Variants in GLIS1 observed in about 807,000 individuals in gnomAD.
The protein encoded by GLIS1 is GLIS family zinc finger 1.
In GLIS1, 24 loss-of-function variants were observed where a neutral mutation model predicts 63.8. That is an observed-to-expected ratio of 0.38 (90% CI 0.27 to 0.53). The LOEUF is 0.53. Among genes scored for constraint, GLIS1 ranks in the 20% least tolerant of loss-of-function variants. The pLI, the probability that GLIS1 is intolerant of heterozygous loss-of-function variation, is 0.85. For missense variants in GLIS1, 1,036 were observed against 1,074.1 expected, an observed-to-expected ratio of 0.96 and a Z score of 0.50; for synonymous variants, 450 against 482.5, an observed-to-expected ratio of 0.93 and a Z score of 0.88.
intron 4 of GLIS1, among the ~76,000 whole-genome samples, chr1:53,554,170 A>C (rs1644793243): frequency 6.6e-6 from 1 of 152,150 alleles, no homozygotes; most frequent in Admixed American, 6.5e-5. Flanking sequence ...CCTGGCCCTC[A>C]AGGGACTTTC....
At chr1:53,658,423 A>G (rs941616551) in intron 2 of GLIS1, among the ~76,000 whole-genome samples, 2 of 152,252 alleles carry the variant, frequency 1.3e-5, no homozygotes, top group African/African-American at 2.4e-5. Flanking sequence ...TAACAAATGC[A>G]TGACGCCAGA....
At position 53,594,670 on chromosome 1, in the gene GLIS1, G is replaced by A. The variant is rs1003996360; in HGVS notation, c.758C>T (p.Ser253Phe). 4.5e-6 allele frequency: 7 copies of A among 1,554,886 alleles called. No individual in the cohort carries two copies. The South Asian group carries it at 4.9e-5, about 11-fold the overall frequency. ...LGLPPTSPAS[S>F]SPCASSDVTS... Reference sequence around the variant, plus strand: ...GACGTCGGAGGAGGCACAGGGTGAGGAGGAGGCTGGGGAGGTGGGGGGTAG... The same window carrying A: ...GACGTCGGAGGAGGCACAGGGTGAGAAGGAGGCTGGGGAGGTGGGGGGTAG... The change falls in exon 4 of 11, where the codon TCC (serine) becomes TTC (phenylalanine). Residue 253 changes from serine (S) to phenylalanine (F), a missense_variant. Physicochemically the swap from Ser to Phe is radical, Grantham distance 155. Transcript: ENST00000628545.
At position 53,594,805 on chromosome 1, in the gene GLIS1, G is replaced by A. The variant is rs770819976; in HGVS notation, c.623C>T (p.Thr208Ile). Reference protein sequence around the residue: ...DLDLPGRSLATPAPSCYLLGS... With the variant: ...DLDLPGRSLAIPAPSCYLLGS... Reference sequence around the variant, plus strand: ...CAGAAGGTAGCAGGAAGGCGCAGGGGTGGCGAGGCTTCGGCCCGGGAGGTC... The same window carrying A: ...CAGAAGGTAGCAGGAAGGCGCAGGGATGGCGAGGCTTCGGCCCGGGAGGTC... The change falls in exon 4 of 11, where the codon ACC (threonine) becomes ATC (isoleucine). Residue 208 changes from threonine (T) to isoleucine (I), a missense_variant. Transcript: ENST00000628545. The A allele has an allele frequency of 6.2e-6, 10 of 1,607,398 alleles. No homozygotes were observed. Among genetic ancestry groups the A allele is most frequent in the African/African-American group, 1.3e-5 (1 of 75,004 alleles).
chr1:53,556,717 TTG>T (rs1569822648), intron 4 of GLIS1, among the ~76,000 whole-genome samples: 1 of 113,378 alleles, frequency 8.8e-6, no homozygotes, highest in African/African-American at 3.4e-5. Flanking sequence ...CTGCAGATGT[TTG>T]TGTGCAGGTG....
chr1:53,709,802 G>T (rs1018342290), intron 2 of GLIS1, among the ~76,000 whole-genome samples: 1 of 152,162 alleles, frequency 6.6e-6, no homozygotes, highest in African/African-American at 2.4e-5. Context: ...CAGGTCTGCT[G>T]CTCAGTGACT....
intron 2 of GLIS1, among the ~76,000 whole-genome samples, chr1:53,698,743 C>T (rs965261719): frequency 6.6e-6 from 1 of 152,234 alleles, no homozygotes; most frequent in Non-Finnish European, 1.5e-5. Flanking sequence ...GCCACCTCTC[C>T]ACCAGGCTTT....
intron 2 of GLIS1, among the ~76,000 whole-genome samples, chr1:53,678,792 G>T (rs1370517986): frequency 6.6e-6 from 1 of 152,156 alleles, no homozygotes; most frequent in Non-Finnish European, 1.5e-5. Context: ...AAGGGGGAAA[G>T]GTCTCTGACC....
chr1:53,600,127 C>G lies in GLIS1; in HGVS notation c.411G>C (p.Arg137Ser). Reference protein sequence around the residue: ...PPRAHPQACERLLHFPHPDRS... With the variant: ...PPRAHPQACESLLHFPHPDRS... ...TGTCAGGGTGGGGGAAATGCAGCAGCCTCTCACAAGCTTGGGGGTGAGCCC... is the reference window on the plus strand; with the variant it reads ...TGTCAGGGTGGGGGAAATGCAGCAGGCTCTCACAAGCTTGGGGGTGAGCCC... Residue 137 changes from arginine (R) to serine (S), a missense_variant, in exon 3 of 11, where the codon AGG becomes AGC. Coordinates refer to ENST00000628545, the MANE Select transcript of GLIS1 (RefSeq NM_001367484.1). The G allele has an allele frequency of 8.1e-7, 1 of 1,231,724 alleles. No individual in the cohort carries two copies. Among genetic ancestry groups the G allele is most frequent in the Non-Finnish European group, 1.0e-6 (1 of 987,542 alleles). 76.3% of individuals were successfully genotyped at this position (1,231,724 alleles called of 1,614,324 possible).
In GLIS1 at chr1:53,598,899, T is replaced by C. The variant is rs375912386; in HGVS notation, c.437+1202A>G. Among the ~76,000 whole-genome samples the C allele has an allele frequency of 8.5e-5, 13 of 152,194 alleles. No individual in the cohort carries two copies. The highest frequency in any genetic ancestry group is 3.1e-4 in the African/African-American group (13 of 41,452). On this transcript the variant is annotated intron_variant, in intron 3 of 10. Coordinates refer to ENST00000628545, the MANE Select transcript of GLIS1 (RefSeq NM_001367484.1). This position sits in a 1 kb window ranked among gnomAD's most constrained non-coding sequence, Gnocchi z 4.6. The stretch of plus-strand genomic sequence containing the variant: ...CCACTGTGGAGCTCTCACGAGAACG[T>C]AAACTCCATCAGGAGAGATCTTTGC...
intron 10 of GLIS1, 54 bp downstream of exon 10, chr1:53,509,066 T>G: frequency 6.7e-7 from 1 of 1,487,456 alleles, no homozygotes; most frequent in South Asian, 1.3e-5. Flanking sequence ...CACCCAGCAC[T>G]GGGTTGAGCC....
At chr1:53,659,876 C>T (rs1646007590) in intron 2 of GLIS1, among the ~76,000 whole-genome samples, 1 of 152,224 alleles carries the variant, frequency 6.6e-6, no homozygotes, top group South Asian at 2.1e-4. Flanking sequence ...CATTGTGCTT[C>T]AAGGGCTCAA....
chr1:53,578,344 C>A (rs996387708), intron 4 of GLIS1, among the ~76,000 whole-genome samples: 3 of 152,216 alleles, frequency 2.0e-5, no homozygotes, highest in African/African-American at 7.2e-5. Context: ...GACCTAGGTC[C>A]TTCACTACCA....
chr1:53,587,336 G>A (rs984919142), intron 4 of GLIS1, among the ~76,000 whole-genome samples: 2 of 152,144 alleles, frequency 1.3e-5, no homozygotes, highest in Admixed American at 6.5e-5. Context: ...GATCATTAAC[G>A]AGGACACTTC....
At chr1:53,700,684 G>A (rs777908090) in intron 2 of GLIS1, among the ~76,000 whole-genome samples, 20 of 152,122 alleles carry the variant, frequency 1.3e-4, no homozygotes, top group Admixed American at 3.9e-4. Flanking sequence ...GGTTCTTACC[G>A]TATTCAGAGA....
At position 53,607,925 on chromosome 1, in the gene GLIS1, C is replaced by T. The variant is rs527241503; in HGVS notation, c.260-7647G>A. ...ACATGGCCTTTCCTCAGTGTGGGCA[C>T]GGAGAAAGTAGAGTGAGCTCTCTGA... On this transcript the variant is annotated intron_variant, in intron 2 of 10. Transcript: ENST00000628545. 1.2e-4 allele frequency among the ~76,000 whole-genome samples: 18 copies of T among 150,128 alleles called. No homozygotes were observed. The East Asian group carries it at 2.0e-3, about 16-fold the overall frequency.
chr1:53,575,710 T>C (rs979831634), intron 4 of GLIS1, among the ~76,000 whole-genome samples: 3 of 152,132 alleles, frequency 2.0e-5, no homozygotes, highest in African/African-American at 7.2e-5. Flanking sequence ...GCTTGGTGAA[T>C]GAATGCAGGA....
chr1:53,687,236 A>C (rs1224865903), intron 2 of GLIS1, among the ~76,000 whole-genome samples: 1 of 152,184 alleles, frequency 6.6e-6, no homozygotes, highest in African/African-American at 2.4e-5. Context: ...TGGGCAGAGG[A>C]GGACGGAAGT....
At chr1:53,664,824 A>C (rs937975208) in intron 2 of GLIS1, among the ~76,000 whole-genome samples, 12 of 152,192 alleles carry the variant, frequency 7.9e-5, no homozygotes, top group African/African-American at 2.7e-4. Flanking sequence ...TGAAGGAGCG[A>C]GGGAGCATGC....
At chr1:53,550,610 G>A (rs1644748397) in intron 4 of GLIS1, among the ~76,000 whole-genome samples, 2 of 152,210 alleles carry the variant, frequency 1.3e-5, no homozygotes, top group African/African-American at 2.4e-5. Flanking sequence ...GAAAAGCTGA[G>A]TGAACAGTGC....
Sources: gnomAD v4.1 joint callset for allele counts (sites outside exome capture counted in the v4.1 genomes callset) on GRCh38, gnomAD v4.1.1 for gene constraint, Gnocchi (gnomAD v3.1) non-coding constraint, MANE v1.5 for transcripts, NCBI Gene and HGNC (gene_info 2026-07-23, HGNC 2026-07-21) for gene names.